The following IQCM variants were observed in gnomAD, a reference collection of about 807,000 sequenced individuals.
The protein encoded by IQCM is IQ motif containing M.
In IQCM, 45 loss-of-function variants were observed where a neutral mutation model predicts 57.6. The ratio of observed to expected loss-of-function variants is 0.78; its 90% CI spans 0.62 to 1.00. The LOEUF (loss-of-function observed/expected upper bound fraction) is 1.00, where lower values mean the gene tolerates loss of function less well. Ranked by LOEUF, IQCM falls within the 50% of genes least tolerant of loss-of-function variation. The probability of loss-of-function intolerance (pLI) is 0.00; values close to 1 mark genes in which losing one functional copy is unlikely to be tolerated. For synonymous variants in IQCM, 148 were observed against 158.9 expected (o/e 0.93, Z 0.51); for missense variants, 468 against 511.6 (o/e 0.91, Z 0.82).
At chr4:149,545,134 C>A (rs2149886763) in intron 12 of IQCM, among the ~76,000 whole-genome samples, 1 of 151,906 alleles carries the variant, frequency 6.6e-6, no homozygotes, top group East Asian at 1.9e-4. Flanking sequence ...ACCAGGAGTC[C>A]AAAACTAGCC....
chr4:149,369,008 A>G lies in IQCM; in HGVS notation c.1391-16942T>C, dbSNP rs1214641987. ...TATACACGTGTATATATATATATAT[A>G]CACGTGTATATATATATATATACAT... On this transcript the variant is annotated intron_variant, in intron 13 of 13. Transcript: ENST00000636793. Among the ~76,000 whole-genome samples the G allele has an allele frequency of 5.4e-5, 4 of 73,748 alleles. 1 individual carries two copies. Among genetic ancestry groups the G allele is most frequent in the Non-Finnish European group, 1.1e-4 (4 of 36,488 alleles). 48.4% of individuals were successfully genotyped at this position (73,748 alleles called of 152,430 possible). A position where few individuals can be genotyped will look rare whatever the true frequency, so the allele number is the denominator to read the frequency against.
chr4:149,543,216 C>A (rs1240660611), intron 12 of IQCM, among the ~76,000 whole-genome samples: 2 of 151,846 alleles, frequency 1.3e-5, no homozygotes, highest in Non-Finnish European at 2.9e-5. Flanking sequence ...CATTATAGAA[C>A]ATCCATATGG....
intron 2 of IQCM, among the ~76,000 whole-genome samples, chr4:149,757,972 T>C (rs183033878): frequency 6.6e-5 from 10 of 152,204 alleles, no homozygotes; most frequent in African/African-American, 1.4e-4. Flanking sequence ...CAACACAACA[T>C]TGAAGAAGAA....
At chr4:149,617,279 T>TA (rs1206759679) in intron 8 of IQCM, among the ~76,000 whole-genome samples, 1 of 151,938 alleles carries the variant, frequency 6.6e-6, no homozygotes, top group Non-Finnish European at 1.5e-5. Flanking sequence ...TAAAGTAAAC[T>TA]AAAAAAACAA....
At chr4:149,801,852 T>C (rs1007418607) in intron 2 of IQCM, among the ~76,000 whole-genome samples, 1 of 151,918 alleles carries the variant, frequency 6.6e-6, no homozygotes, top group Admixed American at 6.6e-5. Flanking sequence ...GTGACTATAG[T>C]CAAAAATAAT....
In IQCM at chr4:149,351,900, C is replaced by A. The variant is rs1728614114; in HGVS notation, c.*51G>T. On this transcript the variant is annotated 3_prime_UTR_variant, in exon 14 of 14. Coordinates refer to ENST00000636793, the MANE Select transcript of IQCM (RefSeq NM_001363507.2). ...TGATCCACCTCCAGTGTTAACTTGTCTCTTTGGGTAGAGAAGTTTAACTAT... is the reference window on the plus strand; with the variant it reads ...TGATCCACCTCCAGTGTTAACTTGTATCTTTGGGTAGAGAAGTTTAACTAT... 2.5e-6 allele frequency: 1 copy of A among 398,258 alleles called. No individual in the cohort carries two copies. Among genetic ancestry groups the A allele is most frequent in the Non-Finnish European group, 4.4e-6 (1 of 225,744 alleles). The allele number at this position is 398,258 out of a possible 1,614,324, so 24.7% of individuals were successfully genotyped here.
chr4:149,464,795 G>A (rs1299273228), intron 12 of IQCM, among the ~76,000 whole-genome samples: 3 of 151,836 alleles, frequency 2.0e-5, no homozygotes, highest in African/African-American at 7.3e-5. Flanking sequence ...GTGCCTCTCA[G>A]GTACGTAAAA....
chr4:149,366,748 T>G (rs977151028), intron 13 of IQCM, among the ~76,000 whole-genome samples: 2 of 151,782 alleles, frequency 1.3e-5, no homozygotes, highest in Non-Finnish European at 2.9e-5. Context: ...TACAACTTAC[T>G]CTAAAATGCA....
intron 2 of IQCM, among the ~76,000 whole-genome samples, chr4:149,808,707 A>G (rs1774298630): frequency 6.6e-6 from 1 of 152,146 alleles, no homozygotes; most frequent in African/African-American, 2.4e-5. Flanking sequence ...AAGAAAATCT[A>G]TATTTGTGCT....
intron 13 of IQCM, among the ~76,000 whole-genome samples, chr4:149,388,843 T>G (rs1731638198): frequency 6.7e-6 from 1 of 149,784 alleles, no homozygotes; most frequent in Non-Finnish European, 1.5e-5. Flanking sequence ...TAAATTAGGT[T>G]GCCTTTTATT....
intron 2 of IQCM, among the ~76,000 whole-genome samples, chr4:149,756,344 G>A (rs969108550): frequency 6.6e-6 from 1 of 152,116 alleles, no homozygotes; most frequent in African/African-American, 2.4e-5. Flanking sequence ...TGACAGCAAT[G>A]ATAATTAACA....
At chr4:149,587,345 C>A (rs1264152332) in intron 9 of IQCM, among the ~76,000 whole-genome samples, 1 of 151,656 alleles carries the variant, frequency 6.6e-6, no homozygotes, top group Non-Finnish European at 1.5e-5. Flanking sequence ...TGAATGTATT[C>A]CCAGTGAATA....
intron 13 of IQCM, among the ~76,000 whole-genome samples, chr4:149,376,180 T>C (rs560898884): frequency 6.6e-6 from 1 of 152,262 alleles, no homozygotes; most frequent in East Asian, 1.9e-4. Flanking sequence ...CAAATTACAA[T>C]AAGAATTTGG....
chr4:149,548,215 C>T (rs1375295368), intron 12 of IQCM, among the ~76,000 whole-genome samples: 2 of 152,082 alleles, frequency 1.3e-5, no homozygotes, highest in African/African-American at 4.8e-5. Flanking sequence ...CCTCTTCCAT[C>T]TTCCTCCAAA....
At position 149,621,205 on chromosome 4, in the gene IQCM, C is replaced by CT; in HGVS notation, c.604dup (p.Arg202LysfsTer8). The stretch of plus-strand genomic sequence containing the variant: ...GGAGTCACAAGCCAAACGGAAAGAC[C>CT]TTGTCAGCACAAATCCTCTCCAGTC... On this transcript the variant is annotated frameshift_variant, in exon 8 of 14. Coordinates refer to ENST00000636793, the MANE Select transcript of IQCM (RefSeq NM_001363507.2). LOFTEE classifies it high-confidence loss of function. The CT allele has an allele frequency of 8.1e-7, 1 of 1,231,906 alleles. No homozygotes were observed. Among genetic ancestry groups the CT allele is most frequent in the East Asian group, 3.2e-5 (1 of 31,684 alleles). 76.3% of individuals were successfully genotyped at this position (1,231,906 alleles called of 1,614,324 possible). A position where few individuals can be genotyped will look rare whatever the true frequency, so the allele number is the denominator to read the frequency against.
chr4:149,600,365 C>G (rs1389308927), intron 8 of IQCM, among the ~76,000 whole-genome samples: 1 of 152,044 alleles, frequency 6.6e-6, no homozygotes, highest in African/African-American at 2.4e-5. Context: ...TAGTATCCTT[C>G]CCTTGATTCC....
In IQCM at chr4:149,363,420, G is replaced by A. The variant is rs570497378; in HGVS notation, c.1391-11354C>T. On this transcript the variant is annotated intron_variant, in intron 13 of 13. Coordinates refer to ENST00000636793, the MANE Select transcript of IQCM (RefSeq NM_001363507.2). ...TTATAAGTGCATGCAAGATATCCAA[G>A]GAGAATTTGTAGAATTTATTGCAAT... is the stretch of plus-strand genomic sequence containing the variant. Among the ~76,000 whole-genome samples the A allele has an allele frequency of 3.9e-5, 6 of 152,232 alleles. No individual in the cohort carries two copies. The East Asian group carries it at 1.2e-3, about 29-fold the overall frequency.
intron 3 of IQCM, among the ~76,000 whole-genome samples, chr4:149,735,812 G>A (rs1766883776): frequency 6.6e-6 from 1 of 152,114 alleles, no homozygotes; most frequent in African/African-American, 2.4e-5. Flanking sequence ...TTCCTCAAGA[G>A]TATTTACCTT....
chr4:149,667,917 T>C (rs995507869), intron 7 of IQCM, among the ~76,000 whole-genome samples: 1 of 151,980 alleles, frequency 6.6e-6, no homozygotes, highest in African/African-American at 2.4e-5. Context: ...CCAAGAAATA[T>C]GGCACTATGT....
Sources: allele counts gnomAD v4.1 joint callset (sites outside exome capture counted in the v4.1 genomes callset), GRCh38; gene constraint gnomAD v4.1.1; transcripts MANE v1.5; gene names NCBI Gene and HGNC (gene_info 2026-07-23, HGNC 2026-07-21).